SETBP1: variants seen among roughly 807,000 people sequenced by gnomAD.
The protein encoded by SETBP1 is SET binding protein 1, also known as SET-binding protein.
In SETBP1, 9 loss-of-function variants were observed where a neutral mutation model predicts 101.0. That is an observed-to-expected ratio of 0.09 (90% CI 0.05 to 0.16). The LOEUF (loss-of-function observed/expected upper bound fraction) is 0.16, where lower values mean the gene tolerates loss of function less well. Ranked by LOEUF, SETBP1 falls within the 10% of genes least tolerant of loss-of-function variation. The probability of loss-of-function intolerance (pLI) is 1.00; values close to 1 mark genes in which losing one functional copy is unlikely to be tolerated. For missense variants in SETBP1, 1,858 were observed against 2,033.8 expected, an observed-to-expected ratio of 0.91 and a Z score of 1.66; for synonymous variants, 818 against 788.5, an observed-to-expected ratio of 1.04 and a Z score of -0.63.
rs1226733435 is a variant in SETBP1, at chr18:45,065,164, T to G, written c.*1466T>G. 1 of 152,242 alleles carries G rather than the reference T, an allele frequency of 6.6e-6. No individual in the cohort carries two copies. The highest frequency in any genetic ancestry group is 1.5e-5 in the Non-Finnish European group (1 of 68,038). 9.4% of individuals were successfully genotyped at this position (152,242 alleles called of 1,614,324 possible). ...AGCGTGGACAGATACTCCATCTCTA[T>G]TATCCATTTCCACAGCCCAAATAAA... On this transcript the variant is annotated 3_prime_UTR_variant, in exon 6 of 6. Coordinates refer to ENST00000649279, the MANE Select transcript of SETBP1 (RefSeq NM_015559.3).
rs570995534 is a variant in SETBP1 at position 44,822,353 on chromosome 18, T to A, written c.487-46877T>A. ...GAGTGACCATGTCTTATCCCCTTCT[T>A]TATTTTTCATACCATCTAGTGGTGT... is the stretch of plus-strand genomic sequence containing the variant. On this transcript the variant is annotated intron_variant, in intron 2 of 5. Coordinates refer to ENST00000649279, the MANE Select transcript of SETBP1 (RefSeq NM_015559.3). Among the ~76,000 whole-genome samples, 3 of 152,334 alleles carry A rather than the reference T, an allele frequency of 2.0e-5. No individual in the cohort carries two copies. In the South Asian group the frequency reaches 6.2e-4, roughly 32 times the overall value.
intron 5 of SETBP1, among the ~76,000 whole-genome samples, chr18:45,039,318 A>G (rs1252439181): frequency 6.6e-6 from 1 of 152,128 alleles, no homozygotes; most frequent in Non-Finnish European, 1.5e-5. Flanking sequence ...TGTTCCCCAC[A>G]GTGCCTCCCA....
intron 2 of SETBP1, among the ~76,000 whole-genome samples, chr18:44,855,974 G>C (rs548124361): frequency 6.6e-6 from 1 of 152,128 alleles, no homozygotes; most frequent in Non-Finnish European, 1.5e-5. Context: ...GGGGAGCAAC[G>C]GGAGAGGATG....
At chr18:44,857,356 G>A (rs866380943) in intron 2 of SETBP1, among the ~76,000 whole-genome samples, 1 of 152,250 alleles carries the variant, frequency 6.6e-6, no homozygotes, top group African/African-American at 2.4e-5. Flanking sequence ...ATAATGCCTT[G>A]GGTGAGTGTC....
At chr18:44,729,430 T>C (rs1216682312) in intron 2 of SETBP1, among the ~76,000 whole-genome samples, 1 of 152,212 alleles carries the variant, frequency 6.6e-6, no homozygotes, top group Non-Finnish European at 1.5e-5. Flanking sequence ...ATAAAAGGCA[T>C]TAAGCAGGTA....
At chr18:44,869,330 C>A in intron 3 of SETBP1, 47 bp downstream of exon 3, 1 of 1,575,614 alleles carries the variant, frequency 6.3e-7, no homozygotes, top group Non-Finnish European at 8.7e-7. Flanking sequence ...GTAAAATGAT[C>A]CAGAGTTTGG....
intron 2 of SETBP1, among the ~76,000 whole-genome samples, chr18:44,847,188 C>T (rs1217342715): frequency 2.0e-5 from 3 of 152,212 alleles, no homozygotes; most frequent in Non-Finnish European, 4.4e-5. Context: ...TAGGGCCAGT[C>T]TGCGTGCTCA....
At chr18:44,877,107 C>G (rs1025976015) in intron 3 of SETBP1, 1 of 1,010,736 alleles carries the variant, frequency 9.9e-7, no homozygotes, top group Non-Finnish European at 1.2e-6. Flanking sequence ...TGCCATGGAT[C>G]TTTGCTCTCT....
intron 2 of SETBP1, among the ~76,000 whole-genome samples, chr18:44,709,234 GC>G (rs1178615332): frequency 6.6e-6 from 1 of 152,024 alleles, no homozygotes; most frequent in African/African-American, 2.4e-5. Context: ...TGAATTCTAT[GC>G]CATTGAAAAT....
At chr18:44,736,856 G>C (rs961742208) in intron 2 of SETBP1, among the ~76,000 whole-genome samples, 3 of 152,118 alleles carry the variant, frequency 2.0e-5, no homozygotes, top group African/African-American at 7.2e-5. Context: ...GTTTTATCTG[G>C]AAGTGTTTCA....
At chr18:44,737,383 TG>T (rs2144441081) in intron 2 of SETBP1, among the ~76,000 whole-genome samples, 1 of 152,316 alleles carries the variant, frequency 6.6e-6, no homozygotes, top group African/African-American at 2.4e-5. Context: ...GGGAGAGGAC[TG>T]GTTTCTCCCT....
chr18:44,727,940 G>C (rs1476869250), intron 2 of SETBP1, among the ~76,000 whole-genome samples: 1 of 152,094 alleles, frequency 6.6e-6, no homozygotes, highest in Non-Finnish European at 1.5e-5. Flanking sequence ...CAGAGCAATT[G>C]TATCCAATAA....
rs528532191 is a variant in SETBP1, at chr18:44,762,455, A to G, written c.486+60623A>G. Among the ~76,000 whole-genome samples the G allele has an allele frequency of 3.3e-5, 5 of 152,316 alleles. No homozygotes were observed. In the East Asian group the frequency reaches 9.7e-4, roughly 29 times the overall value. ...ATTCTTTTCTGTGTCCCAGGTATGG[A>G]GGTAGAGGTGGGAGTGGTGCTAGCA... is the stretch of plus-strand genomic sequence containing the variant. On this transcript the variant is annotated intron_variant, in intron 2 of 5. Coordinates refer to ENST00000649279, the MANE Select transcript of SETBP1 (RefSeq NM_015559.3).
At chr18:44,829,446 T>C (rs756480058) in intron 2 of SETBP1, among the ~76,000 whole-genome samples, 1 of 152,174 alleles carries the variant, frequency 6.6e-6, no homozygotes, top group African/African-American at 2.4e-5. Flanking sequence ...TACTTAAATG[T>C]TTTTTGAAAA....
chr18:44,984,741 A>T (rs2072191886), intron 4 of SETBP1, among the ~76,000 whole-genome samples: 1 of 152,234 alleles, frequency 6.6e-6, no homozygotes. Flanking sequence ...TTGGTTGGTT[A>T]TCATGTTACT....
chr18:44,964,584 AT>A (rs1486655422), intron 4 of SETBP1, among the ~76,000 whole-genome samples: 1 of 131,286 alleles, frequency 7.6e-6, no homozygotes, highest in African/African-American at 2.9e-5. Flanking sequence ...AAACGTTTTT[AT>A]TATCTTAAAA....
intron 2 of SETBP1, among the ~76,000 whole-genome samples, chr18:44,866,668 T>C (rs548983762): frequency 7.9e-4 from 121 of 152,306 alleles, no homozygotes; most frequent in African/African-American, 2.5e-3. Context: ...GGTTCCAATA[T>C]ACTAACACAT....
At chr18:44,836,873 A>ATTTCTATT (rs1213042812) in intron 2 of SETBP1, among the ~76,000 whole-genome samples, 2 of 151,862 alleles carry the variant, frequency 1.3e-5, no homozygotes, top group African/African-American at 4.8e-5. Context: ...ATCTTGTTAT[A>ATTTCTATT]TTTCTATTTG....
chr18:44,706,591 C>CAAAAGAAAAA (rs2069223135), intron 2 of SETBP1, among the ~76,000 whole-genome samples: 1 of 16,966 alleles, frequency 5.9e-5, no homozygotes, highest in African/African-American at 2.4e-4. Flanking sequence ...GACTCAATCT[C>CAAAAGAAAAA]AAAAAAAAAA....
Sources: gnomAD v4.1 joint callset for allele counts (sites outside exome capture counted in the v4.1 genomes callset) on GRCh38, gnomAD v4.1.1 for gene constraint, MANE v1.5 for transcripts, NCBI Gene and HGNC (gene_info 2026-07-23, HGNC 2026-07-21) for gene names.